Variants in KLRG1 observed in about 807,000 individuals in gnomAD.
KLRG1 encodes killer cell lectin like receptor G1.
Under a neutral mutation model 21.8 loss-of-function variants are expected in KLRG1, and 16 were observed. The ratio of observed to expected loss-of-function variants is 0.73; its 90% CI spans 0.50 to 1.11. The LOEUF is 1.11. Among genes scored for constraint, KLRG1 ranks in the 50% most tolerant of loss-of-function variants. The probability of loss-of-function intolerance (pLI) is 0.00; values close to 1 mark genes in which losing one functional copy is unlikely to be tolerated. For missense variants in KLRG1, 173 were observed against 218.3 expected (o/e 0.79, Z 1.31); for synonymous variants, 69 against 75.9 (o/e 0.91, Z 0.47).
At chr12:9,163,681 G>A in the KLRG1 span, 2 of 1,613,760 alleles carry the variant, frequency 1.2e-6, no homozygotes, top group African/African-American at 1.3e-5. Context: ...CACCAACAGG[G>A]TTTTGATGAC....
At chr12:9,012,011 T>C (rs1947639105), downstream of KLRG1, among the ~76,000 whole-genome samples, 1 of 152,178 alleles carries the variant, frequency 6.6e-6, no homozygotes, top group African/African-American at 2.4e-5. Context: ...TAAAACACTC[T>C]GGGATCCTAA....
At chr12:9,111,262 G>A in the KLRG1 span, among the ~76,000 whole-genome samples, 275 of 152,242 alleles carry the variant, frequency 1.8e-3, no homozygotes, top group Non-Finnish European at 3.3e-3. Flanking sequence ...AATAAACCAT[G>A]TTTTAATGGA....
At chr12:9,197,272 C>T in the KLRG1 span, 1 of 556,774 alleles carries the variant, frequency 1.8e-6, no homozygotes, top group African/African-American at 2.0e-5. Context: ...GAAAATGTCT[C>T]CCTCAAAAAT....
the KLRG1 span, among the ~76,000 whole-genome samples, chr12:9,145,244 CTG>C: frequency 5.9e-5 from 9 of 152,140 alleles, no homozygotes; most frequent in African/African-American, 2.2e-4. Context: ...ATTATTTTGT[CTG>C]TCTTTTCCTC....
At chr12:9,064,947 C>CCG in the KLRG1 span, 1 of 152,276 alleles carries the variant, frequency 6.6e-6, no homozygotes, top group Non-Finnish European at 1.5e-5. The surrounding 1 kb of genome is among the most constrained non-coding windows in gnomAD (Gnocchi z 4.0). Context: ...ACTGGGGTGA[C>CCG]CGCCGAGCTA....
chr12:9,164,891 AATTCT>A, the KLRG1 span, among the ~76,000 whole-genome samples: 1 of 152,204 alleles, frequency 6.6e-6, no homozygotes, highest in Non-Finnish European at 1.5e-5. Flanking sequence ...TGCAGCAAAG[AATTCT>A]GCAAGCGCTA....
chr12:9,119,172 A>T, the KLRG1 span, among the ~76,000 whole-genome samples: 1 of 152,236 alleles, frequency 6.6e-6, no homozygotes, highest in Non-Finnish European at 1.5e-5. Flanking sequence ...AAAAATTATT[A>T]CAAATGATGG....
chr12:9,020,066 C>T, the KLRG1 span, among the ~76,000 whole-genome samples: 1 of 151,544 alleles, frequency 6.6e-6, no homozygotes, highest in Admixed American at 6.6e-5. Flanking sequence ...TATATATACA[C>T]ACACACACAC....
At chr12:9,008,176 A>C (rs1279043471) in intron 3 of KLRG1, among the ~76,000 whole-genome samples, 1 of 152,216 alleles carries the variant, frequency 6.6e-6, no homozygotes, top group African/African-American at 2.4e-5. Context: ...GGGGAAAAAA[A>C]CAAGAATATT....
At chr12:9,039,198 C>T in the KLRG1 span, among the ~76,000 whole-genome samples, 6 of 152,324 alleles carry the variant, frequency 3.9e-5, no homozygotes, top group Non-Finnish European at 8.8e-5. Flanking sequence ...CTTATCTCTT[C>T]GCCTCCGCGT....
chr12:9,081,062 T>TA, the KLRG1 span, among the ~76,000 whole-genome samples: 1 of 152,024 alleles, frequency 6.6e-6, no homozygotes, highest in African/African-American at 2.4e-5. Context: ...AAAACTTTTG[T>TA]AAAAAAACAG....
the KLRG1 span, among the ~76,000 whole-genome samples, chr12:9,061,858 G>A: frequency 4.6e-5 from 7 of 152,112 alleles, no homozygotes; most frequent in African/African-American, 1.7e-4. Context: ...CTACTGAAGA[G>A]TTATAGGTAG....
the KLRG1 span, among the ~76,000 whole-genome samples, chr12:9,133,274 A>T: frequency 5.6e-4 from 86 of 152,362 alleles, no homozygotes; most frequent in Middle Eastern, 3.4e-3. Context: ...TTAAAGGCTG[A>T]CAATGAGCCA....
the KLRG1 span, among the ~76,000 whole-genome samples, chr12:9,145,109 T>C: frequency 6.6e-6 from 1 of 152,188 alleles, no homozygotes; most frequent in Non-Finnish European, 1.5e-5. Context: ...TTTGGGTCTG[T>C]TTTTTTAACT....
At chr12:9,065,877 G>C in the KLRG1 span, 1 of 152,362 alleles carries the variant, frequency 6.6e-6, no homozygotes, top group African/African-American at 2.4e-5. Context: ...ACCTACCTGT[G>C]GAGAGAAACT....
the KLRG1 span, among the ~76,000 whole-genome samples, chr12:9,068,500 G>C: frequency 6.6e-6 from 1 of 152,124 alleles, no homozygotes; most frequent in Non-Finnish European, 1.5e-5. Flanking sequence ...CCATTTATCT[G>C]ATGAAAAGGG....
At chr12:9,059,993 C>CTTCT in the KLRG1 span, among the ~76,000 whole-genome samples, 1 of 117,886 alleles carries the variant, frequency 8.5e-6, no homozygotes, top group African/African-American at 3.5e-5. Context: ...CCAGCCCTGG[C>CTTCT]ATCTTTTTTT....
chr12:9,047,918 T>C, the KLRG1 span, among the ~76,000 whole-genome samples: 1 of 152,218 alleles, frequency 6.6e-6, no homozygotes. Context: ...TCCACTATTA[T>C]AGTTGGAGAC....
At chr12:9,015,485 C>T (rs1035432088), downstream of KLRG1, among the ~76,000 whole-genome samples, 6 of 152,018 alleles carry the variant, frequency 3.9e-5, no homozygotes, top group African/African-American at 1.4e-4. Flanking sequence ...AAATATGCAC[C>T]TGACACTGGA....
Sources: gnomAD v4.1 joint callset for allele counts (sites outside exome capture counted in the v4.1 genomes callset) on GRCh38, gnomAD v4.1.1 for gene constraint, Gnocchi (gnomAD v3.1) non-coding constraint, MANE v1.5 for transcripts, NCBI Gene and HGNC (gene_info 2026-07-23, HGNC 2026-07-21) for gene names.